MYO1D: variants seen among roughly 807,000 people sequenced by gnomAD.
MYO1D encodes the protein myosin ID.
MYO1D carries 83 observed loss-of-function variants against 122.0 expected under a neutral mutation model. That is an observed-to-expected ratio of 0.68 (90% CI 0.57 to 0.82). The LOEUF is 0.82. Among genes scored for constraint, MYO1D ranks in the 40% least tolerant of loss-of-function variants. The pLI is 0.00. For synonymous variants in MYO1D, 464 were observed against 446.9 expected, an observed-to-expected ratio of 1.04 and a Z score of -0.48; for missense variants, 1,157 against 1,269.5, an observed-to-expected ratio of 0.91 and a Z score of 1.35.
At chr17:32,800,613 A>C (rs2090452719) in intron 1 of MYO1D, among the ~76,000 whole-genome samples, 1 of 152,206 alleles carries the variant, frequency 6.6e-6, no homozygotes, top group South Asian at 2.1e-4. Flanking sequence ...GCTAGAGAGG[A>C]GGAAAAAGTC....
intron 1 of MYO1D, among the ~76,000 whole-genome samples, chr17:32,868,034 C>T (rs2091144895): frequency 6.6e-6 from 1 of 151,956 alleles, no homozygotes; most frequent in Non-Finnish European, 1.5e-5. Flanking sequence ...GTTTAGAAAT[C>T]TCTTAAATAT....
chr17:32,502,051 C>T (rs1020254412), intron 21 of MYO1D, among the ~76,000 whole-genome samples: 1 of 152,146 alleles, frequency 6.6e-6, no homozygotes, highest in African/African-American at 2.4e-5. Context: ...TGGCGAAAAC[C>T]TCCATACCTT....
chr17:32,653,607 C>CAAA (rs35172819), intron 19 of MYO1D, among the ~76,000 whole-genome samples: 43 of 99,962 alleles, frequency 4.3e-4, no homozygotes, highest in African/African-American at 1.5e-3. Flanking sequence ...ACTCCGTCTC[C>CAAA]AAAAAAAAAA....
At chr17:32,752,012 CCT>C (rs1228611083) in intron 11 of MYO1D, among the ~76,000 whole-genome samples, 2 of 152,028 alleles carry the variant, frequency 1.3e-5, no homozygotes, top group Non-Finnish European at 2.9e-5. Context: ...ATCACATTAC[CCT>C]GTCTTCAAAA....
intron 1 of MYO1D, among the ~76,000 whole-genome samples, chr17:32,827,165 A>C (rs1026918517): frequency 2.0e-5 from 3 of 152,242 alleles, no homozygotes; most frequent in Admixed American, 6.5e-5. Flanking sequence ...TGAACGGAGA[A>C]ACAAAATGTG....
At chr17:32,726,275 C>T (rs1393396530) in intron 14 of MYO1D, among the ~76,000 whole-genome samples, 1 of 151,960 alleles carries the variant, frequency 6.6e-6, no homozygotes, top group African/African-American at 2.4e-5. Flanking sequence ...CAAAAATTAA[C>T]TGGGTGTGGT....
chr17:32,729,810 G>A (rs1403153756), intron 14 of MYO1D, among the ~76,000 whole-genome samples: 1 of 152,116 alleles, frequency 6.6e-6, no homozygotes, highest in Admixed American at 6.5e-5. Context: ...GCTAAACCAG[G>A]GAGATAAAGG....
intron 6 of MYO1D, among the ~76,000 whole-genome samples, chr17:32,768,125 G>A (rs534471383): frequency 6.6e-6 from 1 of 152,328 alleles, no homozygotes; most frequent in East Asian, 1.9e-4. Context: ...TACATGCTTG[G>A]CTACTGTTGT....
chr17:32,710,834 A>G (rs1359563435), intron 16 of MYO1D, among the ~76,000 whole-genome samples: 1 of 152,180 alleles, frequency 6.6e-6, no homozygotes, highest in Non-Finnish European at 1.5e-5. Flanking sequence ...ATCAAACTCA[A>G]AGGTAATCAG....
chr17:32,568,090 G>A (rs568259244), intron 21 of MYO1D, among the ~76,000 whole-genome samples: 2 of 151,220 alleles, frequency 1.3e-5, no homozygotes, highest in East Asian at 3.9e-4. Flanking sequence ...GGTGATCAGA[G>A]CTCCTCTGCA....
At chr17:32,763,253 C>T (rs2090021229) in intron 8 of MYO1D, among the ~76,000 whole-genome samples, 1 of 151,298 alleles carries the variant, frequency 6.6e-6, no homozygotes, top group South Asian at 2.1e-4. Context: ...CTCTCCATTG[C>T]ACTTAGGAAA....
At position 32,536,715 on chromosome 17, in the gene MYO1D, T is replaced by G. The variant is rs530627405; in HGVS notation, c.2865-41800A>C. Among the ~76,000 whole-genome samples the G allele has an allele frequency of 2.6e-5, 4 of 152,362 alleles. No homozygotes were observed. The East Asian group carries it at 7.7e-4, about 29-fold the overall frequency. On this transcript the variant is annotated intron_variant, in intron 21 of 21. Transcript: ENST00000318217. ...GCATTATATTTTTCATTTTAAAGTT[T>G]GAAATTATTTCTTAGAATCGGATCT... is the stretch of plus-strand genomic sequence containing the variant.
At chr17:32,818,779 A>G in intron 1 of MYO1D, among the ~76,000 whole-genome samples, 1 of 152,322 alleles carries the variant, frequency 6.6e-6, no homozygotes, top group Non-Finnish European at 1.5e-5. Flanking sequence ...TGTGAGGACT[A>G]AATTAGACTA....
chr17:32,616,980 G>A (rs2087777887), intron 20 of MYO1D, among the ~76,000 whole-genome samples: 1 of 152,126 alleles, frequency 6.6e-6, no homozygotes, highest in Non-Finnish European at 1.5e-5. Flanking sequence ...CTGAGGCCAG[G>A]TGTTCAAGAC....
chr17:32,511,069 C>T (rs1014600959), intron 21 of MYO1D, among the ~76,000 whole-genome samples: 6 of 152,072 alleles, frequency 3.9e-5, no homozygotes, highest in African/African-American at 1.4e-4. Flanking sequence ...CAGTGGGACG[C>T]CTGGGCCAGC....
intron 21 of MYO1D, among the ~76,000 whole-genome samples, chr17:32,521,592 T>G (rs924691132): frequency 6.6e-6 from 1 of 152,182 alleles, no homozygotes; most frequent in Non-Finnish European, 1.5e-5. Context: ...ATTAATTTGC[T>G]GAGATGTGGG....
chr17:32,707,457 A>C (rs1478280963), intron 16 of MYO1D, among the ~76,000 whole-genome samples: 1 of 152,224 alleles, frequency 6.6e-6, no homozygotes, highest in African/African-American at 2.4e-5. Flanking sequence ...TATACTCTTC[A>C]ACTTAACAAT....
rs146034086 is a variant in MYO1D at position 32,797,104 on chromosome 17, G to A, written c.96-16320C>T. 6.4e-3 allele frequency among the ~76,000 whole-genome samples: 970 copies of A among 152,146 alleles called. 15 individuals carry two copies. Among genetic ancestry groups the A allele is most frequent in the African/African-American group, 0.022 (924 of 41,518 alleles). ...CCCTGCCTCAGCCTCCCAAGTAGCT[G>A]GGATTACAGGCATCTGCCACCACAC... On this transcript the variant is annotated intron_variant, in intron 1 of 21. Coordinates refer to ENST00000318217, the MANE Select transcript of MYO1D (RefSeq NM_015194.3).
chr17:32,856,245 C>T (rs757976150), intron 1 of MYO1D, among the ~76,000 whole-genome samples: 2 of 152,172 alleles, frequency 1.3e-5, no homozygotes, highest in Non-Finnish European at 2.9e-5. Flanking sequence ...CTCTTCATGT[C>T]TGCTGCTCCA....
Sources: allele counts gnomAD v4.1 joint callset (sites outside exome capture counted in the v4.1 genomes callset), GRCh38; gene constraint gnomAD v4.1.1; transcripts MANE v1.5; gene names NCBI Gene and HGNC (gene_info 2026-07-23, HGNC 2026-07-21).